Variants in ALPK2 observed in about 807,000 individuals in gnomAD.
ALPK2 encodes alpha-protein kinase 2.
A neutral mutation model predicts 163.1 loss-of-function variants in ALPK2; 127 were observed. The ratio of observed to expected loss-of-function variants is 0.78; its 90% confidence interval spans 0.67 to 0.90. The LOEUF is 0.90. Among genes scored for constraint, ALPK2 ranks in the 40% least tolerant of loss-of-function variants. The probability of loss-of-function intolerance (pLI) is 0.00; values close to 1 mark genes in which losing one functional copy is unlikely to be tolerated. For missense variants in ALPK2, 2,360 were observed against 2,589.6 expected, an observed-to-expected ratio of 0.91 and a Z score of 1.92; for synonymous variants, 953 against 959.1, an observed-to-expected ratio of 0.99 and a Z score of 0.12.
intron 8 of ALPK2, among the ~76,000 whole-genome samples, chr18:58,520,504 T>C (rs2051544697): frequency 6.9e-6 from 1 of 145,472 alleles, no homozygotes; most frequent in African/African-American, 2.6e-5. Flanking sequence ...GTCAGATGAG[T>C]GTTGGGAGAT....
In ALPK2 at chr18:58,608,387, C is replaced by A. The variant is rs568361301; in HGVS notation, c.110-948G>T. Among the ~76,000 whole-genome samples, 4 of 152,306 alleles carry A rather than the reference C, an allele frequency of 2.6e-5. No individual in the cohort carries two copies. The East Asian group carries it at 5.8e-4, about 22-fold the overall frequency. Reference sequence around the variant, plus strand: ...GGGACGTGATGTTAATGGGCTAATCCGGTAAAACCTCCGGGAATTTCATCC... The same window carrying A: ...GGGACGTGATGTTAATGGGCTAATCAGGTAAAACCTCCGGGAATTTCATCC... On this transcript the variant is annotated intron_variant, in intron 2 of 12. Coordinates refer to ENST00000361673, the MANE Select transcript of ALPK2 (RefSeq NM_052947.4).
intron 5 of ALPK2, among the ~76,000 whole-genome samples, chr18:58,532,218 C>A (rs2144141733): frequency 6.6e-6 from 1 of 152,276 alleles, no homozygotes; most frequent in Admixed American, 6.5e-5. Flanking sequence ...CCTTCCAGTA[C>A]AATAACCTAG....
intron 2 of ALPK2, among the ~76,000 whole-genome samples, chr18:58,608,239 A>T (rs531516606): frequency 1.3e-5 from 2 of 152,374 alleles, no homozygotes; most frequent in African/African-American, 4.8e-5. Context: ...CTTCCTGAGG[A>T]TGAAGAGTTT....
chr18:58,529,738 C>T (rs1482862952), intron 5 of ALPK2, among the ~76,000 whole-genome samples: 1 of 152,210 alleles, frequency 6.6e-6, no homozygotes, highest in Non-Finnish European at 1.5e-5. Context: ...TCCCTTTTAT[C>T]ACACTTGTCT....
At chr18:58,626,507 C>A in intron 1 of ALPK2, among the ~76,000 whole-genome samples, 1 of 151,934 alleles carries the variant, frequency 6.6e-6, no homozygotes, top group East Asian at 1.9e-4. Context: ...AAAGGCTGGG[C>A]GTGTGCCTTC....
chr18:58,501,373 G>A (rs1235068578), intron 11 of ALPK2, among the ~76,000 whole-genome samples: 1 of 152,248 alleles, frequency 6.6e-6, no homozygotes, highest in African/African-American at 2.4e-5. Context: ...ACAAACAGCT[G>A]TCTGTTAAGA....
intron 3 of ALPK2, among the ~76,000 whole-genome samples, chr18:58,585,444 T>A (rs12956697): frequency 1.3e-5 from 2 of 152,194 alleles, no homozygotes; most frequent in Non-Finnish European, 2.9e-5. Flanking sequence ...CAGAAGATGG[T>A]TGGATTTTTG....
At chr18:58,533,726 G>A (rs117116302) in intron 5 of ALPK2, among the ~76,000 whole-genome samples, 15,247 of 152,186 alleles carry the variant, frequency 0.1, 874 homozygotes, top group Middle Eastern at 0.15. Flanking sequence ...AAATTGCTGG[G>A]ATTACAGGTG....
At chr18:58,539,059 G>A (rs577386506) in intron 4 of ALPK2, among the ~76,000 whole-genome samples, 47 of 152,280 alleles carry the variant, frequency 3.1e-4, no homozygotes, top group African/African-American at 1.1e-3. Flanking sequence ...CTCATTTCTT[G>A]ATAAACTACC....
intron 5 of ALPK2, among the ~76,000 whole-genome samples, chr18:58,531,645 G>A (rs1349298526): frequency 3.2e-5 from 2 of 63,460 alleles, no homozygotes; most frequent in African/African-American, 9.9e-5. Context: ...AAGGTGATAA[G>A]TTGAAAAAAA....
intron 6 of ALPK2, among the ~76,000 whole-genome samples, chr18:58,527,437 A>G (rs1391824087): frequency 6.6e-6 from 1 of 152,226 alleles, no homozygotes; most frequent in African/African-American, 2.4e-5. Flanking sequence ...CTAGGAATCA[A>G]AGGCCTTAGC....
rs1015425420 is a variant in ALPK2 at position 58,618,941 on chromosome 18, G to A, written c.-20-7124C>T. The stretch of plus-strand genomic sequence containing the variant: ...TAACCGGCTCTTGTGGAGCTGGCAG[G>A]AAAGCCAGCAGTCAGGGCGCCTACT... On this transcript the variant is annotated intron_variant, in intron 1 of 12. Transcript: ENST00000361673. Among the ~76,000 whole-genome samples, 5 of 152,336 alleles carry A rather than the reference G, an allele frequency of 3.3e-5. No individual in the cohort carries two copies. In the South Asian group the frequency reaches 1.0e-3, roughly 32 times the overall value.
At chr18:58,576,038 A>C (rs1287384665) in intron 4 of ALPK2, among the ~76,000 whole-genome samples, 1 of 152,194 alleles carries the variant, frequency 6.6e-6, no homozygotes, top group South Asian at 2.1e-4. Context: ...CTGTTTCTGC[A>C]AAAAGGCACC....
intron 12 of ALPK2, among the ~76,000 whole-genome samples, chr18:58,493,515 G>A (rs2051385656): frequency 6.6e-6 from 1 of 152,260 alleles, no homozygotes; most frequent in East Asian, 1.9e-4. Flanking sequence ...CCATCTGCTT[G>A]TGGGCATTGA....
At position 58,578,888 on chromosome 18, in the gene ALPK2, A is replaced by C; in HGVS notation, c.1888T>G (p.Cys630Gly). The change falls in exon 4 of 13, where the codon TGC (cysteine) becomes GGC (glycine). Residue 630 changes from cysteine (C) to glycine (G), a missense_variant. By Grantham distance (159) the Cys-to-Gly change is radical (BLOSUM62 -3). Coordinates refer to ENST00000361673, the MANE Select transcript of ALPK2 (RefSeq NM_052947.4). ...TTAACTTGCATGCCTTCTCCCTTGCAATTTGTGTTGCCTTCTTTGGAGACT... is the reference window on the plus strand; with the variant it reads ...TTAACTTGCATGCCTTCTCCCTTGCCATTTGTGTTGCCTTCTTTGGAGACT... ...DSVSKEGNTNCKGEGMQVNTL... is the reference protein window; with the variant it reads ...DSVSKEGNTNGKGEGMQVNTL... 2 of 1,614,052 alleles carry C rather than the reference A, an allele frequency of 1.2e-6. No individual in the cohort carries two copies. The highest frequency in any genetic ancestry group is 1.7e-6 in the Non-Finnish European group (2 of 1,180,012).
intron 4 of ALPK2, chr18:58,577,881 AG>A (rs1242684926): frequency 6.6e-6 from 1 of 152,204 alleles, no homozygotes; most frequent in Non-Finnish European, 1.5e-5. Context: ...AAATAATACT[AG>A]TTTTCTAGTA....
At chr18:58,624,051 G>A (rs961862497) in intron 1 of ALPK2, among the ~76,000 whole-genome samples, 6 of 152,188 alleles carry the variant, frequency 3.9e-5, no homozygotes, top group Non-Finnish European at 7.3e-5. Context: ...TCACTCAGCA[G>A]CCTGGGGACT....
chr18:58,502,134 CCACACACA>C (rs71173056), intron 11 of ALPK2, among the ~76,000 whole-genome samples: 15,455 of 118,718 alleles, frequency 0.13, 1,117 homozygotes, highest in Non-Finnish European at 0.14. Context: ...AACCCCATCT[CCACACACA>C]CACACACACA....
chr18:58,584,825 A>G (rs1179170801), intron 3 of ALPK2, among the ~76,000 whole-genome samples: 3 of 152,240 alleles, frequency 2.0e-5, no homozygotes, highest in Non-Finnish European at 4.4e-5. Context: ...AGGGACTCCA[A>G]TGGTAGCAGT....
Sources: gnomAD v4.1 joint callset for allele counts (sites outside exome capture counted in the v4.1 genomes callset) on GRCh38, gnomAD v4.1.1 for gene constraint, MANE v1.5 for transcripts, NCBI Gene and HGNC (gene_info 2026-07-23, HGNC 2026-07-21) for gene names.